The following RBM20 variants were observed in gnomAD, a reference collection of about 807,000 sequenced individuals.
The protein encoded by RBM20 is RNA binding motif protein 20, also known as RNA-binding protein 20.
In RBM20, 51 loss-of-function variants were observed where a neutral mutation model predicts 110.1. The observed-to-expected ratio is 0.46, with a 90% CI of 0.37 to 0.59. The LOEUF is 0.59. Ranked by LOEUF, RBM20 falls within the 20% of genes least tolerant of loss-of-function variation. The probability of loss-of-function intolerance (pLI) is 0.00; values close to 1 mark genes in which losing one functional copy is unlikely to be tolerated. For synonymous variants in RBM20, 589 were observed against 618.2 expected, an observed-to-expected ratio of 0.95 and a Z score of 0.70; for missense variants, 1,512 against 1,574.9, an observed-to-expected ratio of 0.96 and a Z score of 0.68.
intron 12 of RBM20, among the ~76,000 whole-genome samples, chr10:110,830,191 C>G (rs552926031): frequency 7.2e-5 from 11 of 152,300 alleles, no homozygotes; most frequent in Admixed American, 3.3e-4. Flanking sequence ...ACTGACTGAC[C>G]GTGTCTTCAA....
chr10:110,720,959 C>T (rs1423439484), intron 1 of RBM20, among the ~76,000 whole-genome samples: 2 of 152,252 alleles, frequency 1.3e-5, no homozygotes, highest in African/African-American at 4.8e-5. Flanking sequence ...TGACATTTCT[C>T]TCACTGGCTA....
At chr10:110,721,902 T>C (rs1843511235) in intron 1 of RBM20, among the ~76,000 whole-genome samples, 1 of 151,764 alleles carries the variant, frequency 6.6e-6, no homozygotes, top group South Asian at 2.1e-4. Flanking sequence ...TCCAAGACTT[T>C]GGGTATTAGA....
At position 110,838,228 on chromosome 10, in the gene RBM20, C is replaced by T. The variant is rs1022841804; in HGVS notation, c.*2250C>T. On this transcript the variant is annotated 3_prime_UTR_variant, in exon 14 of 14. Transcript: ENST00000369519. ...TTCTATTTTATAGAATGACATGTTG[C>T]CCAATTCTAGAATCAAAAATAAAGG... 1.3e-5 allele frequency: 2 copies of T among 152,106 alleles called. No individual in the cohort carries two copies. The highest frequency in any genetic ancestry group is 4.8e-5 in the African/African-American group (2 of 41,422). 9.4% of individuals were successfully genotyped at this position (152,106 alleles called of 1,614,324 possible).
intron 1 of RBM20, among the ~76,000 whole-genome samples, chr10:110,713,893 T>C (rs958033043): frequency 3.9e-5 from 6 of 152,198 alleles, no homozygotes; most frequent in Non-Finnish European, 2.9e-5. Flanking sequence ...GACTACGTTT[T>C]TGGGCTAGTT....
At chr10:110,799,010 A>T (rs568244930) in intron 6 of RBM20, among the ~76,000 whole-genome samples, 12 of 152,258 alleles carry the variant, frequency 7.9e-5, no homozygotes, top group Non-Finnish European at 1.5e-4. Context: ...TTATCAGAGC[A>T]GTTAAATAAA....
intron 12 of RBM20, among the ~76,000 whole-genome samples, chr10:110,830,676 G>A (rs1391822815): frequency 6.6e-6 from 1 of 152,186 alleles, no homozygotes; most frequent in Non-Finnish European, 1.5e-5. Context: ...CACAGCAGCT[G>A]CAGAGAGAGG....
intron 7 of RBM20, among the ~76,000 whole-genome samples, chr10:110,803,389 C>T (rs1278473699): frequency 6.6e-6 from 1 of 152,166 alleles, no homozygotes; most frequent in Non-Finnish European, 1.5e-5. Flanking sequence ...GTCACCCAGC[C>T]AAGAAGCCGC....
At chr10:110,731,597 A>G (rs530606434) in intron 1 of RBM20, among the ~76,000 whole-genome samples, 1 of 152,232 alleles carries the variant, frequency 6.6e-6, no homozygotes, top group African/African-American at 2.4e-5. Flanking sequence ...CCATCTTTAA[A>G]AAATAATTTT....
At chr10:110,783,500 C>T in intron 3 of RBM20, 73 bp downstream of exon 3, 1 of 1,247,586 alleles carries the variant, frequency 8.0e-7, no homozygotes, top group Non-Finnish European at 1.1e-6. Flanking sequence ...CTGTGTGTCA[C>T]ACGCTGTTTT....
chr10:110,773,265 C>A (rs1844217613), intron 1 of RBM20, among the ~76,000 whole-genome samples: 2 of 152,146 alleles, frequency 1.3e-5, no homozygotes, highest in Non-Finnish European at 2.9e-5. Flanking sequence ...TAGATACAGG[C>A]AGATACACAG....
intron 13 of RBM20, among the ~76,000 whole-genome samples, chr10:110,833,398 A>AAAAAAAAAAAG (rs1173417445): frequency 2.0e-5 from 3 of 149,108 alleles, no homozygotes; most frequent in Non-Finnish European, 4.5e-5. Flanking sequence ...CAGAAAAAAA[A>AAAAAAAAAAAG]AAAAAAAAGA....
intron 5 of RBM20, among the ~76,000 whole-genome samples, chr10:110,790,863 C>T (rs1032765983): frequency 3.3e-5 from 5 of 152,064 alleles, no homozygotes; most frequent in African/African-American, 7.2e-5. Flanking sequence ...TTTAATTGGC[C>T]ACAGATTAAG....
At chr10:110,823,025 C>T (rs903813389) in intron 11 of RBM20, among the ~76,000 whole-genome samples, 1 of 151,984 alleles carries the variant, frequency 6.6e-6, no homozygotes, top group Admixed American at 6.5e-5. Flanking sequence ...ATTAACTGAC[C>T]CAGTGTTTGG....
intron 1 of RBM20, among the ~76,000 whole-genome samples, chr10:110,741,158 C>A (rs1425547141): frequency 6.6e-6 from 1 of 152,168 alleles, no homozygotes; most frequent in Non-Finnish European, 1.5e-5. Context: ...CCAGCACATC[C>A]TTTGACCTTA....
intron 1 of RBM20, among the ~76,000 whole-genome samples, chr10:110,686,152 CA>C (rs1862501987): frequency 6.6e-6 from 1 of 152,104 alleles, no homozygotes; most frequent in Non-Finnish European, 1.5e-5. Flanking sequence ...TGTGAGGGCC[CA>C]AGGTACAGCG....
intron 9 of RBM20, among the ~76,000 whole-genome samples, chr10:110,816,514 T>C (rs1844843010): frequency 6.6e-6 from 1 of 152,006 alleles, no homozygotes; most frequent in African/African-American, 2.4e-5. Context: ...CTCGCACCGC[T>C]GCAGACCACC....
intron 12 of RBM20, among the ~76,000 whole-genome samples, chr10:110,828,650 T>G (rs185937291): frequency 1.9e-4 from 27 of 145,430 alleles, no homozygotes; most frequent in African/African-American, 6.6e-4. Context: ...GTGATTCCCC[T>G]AAACATCACT....
chr10:110,822,817 C>A (rs930229114), intron 11 of RBM20, among the ~76,000 whole-genome samples: 1 of 152,080 alleles, frequency 6.6e-6, no homozygotes, highest in Non-Finnish European at 1.5e-5. Context: ...CTGACCTGAG[C>A]TGTTTTTTAC....
chr10:110,791,269 A>T (rs1019862910), intron 5 of RBM20, among the ~76,000 whole-genome samples: 1 of 152,372 alleles, frequency 6.6e-6, no homozygotes, highest in Admixed American at 6.5e-5. Context: ...GCATGTTTAG[A>T]ACAAAACCAG....
Sources: gnomAD v4.1 joint callset for allele counts (sites outside exome capture counted in the v4.1 genomes callset) on GRCh38, gnomAD v4.1.1 for gene constraint, MANE v1.5 for transcripts, NCBI Gene and HGNC (gene_info 2026-07-23, HGNC 2026-07-21) for gene names.